The following GPC5 variants were observed in gnomAD, a reference collection of about 807,000 sequenced individuals.
GPC5 encodes the protein glypican 5, also known as glypican-5.
A neutral mutation model predicts 53.9 loss-of-function variants in GPC5; 47 were observed. The observed-to-expected ratio is 0.87, with a 90% CI of 0.69 to 1.11. The LOEUF (loss-of-function observed/expected upper bound fraction) is 1.11, where lower values mean the gene tolerates loss of function less well. Among genes scored for constraint, GPC5 ranks in the 50% most tolerant of loss-of-function variants. The pLI is 0.00. For missense variants in GPC5, 748 were observed against 713.1 expected (o/e 1.05, Z -0.56); for synonymous variants, 286 against 263.3 (o/e 1.09, Z -0.84).
At chr13:92,325,761 T>G (rs1307614725) in intron 7 of GPC5, among the ~76,000 whole-genome samples, 1 of 152,078 alleles carries the variant, frequency 6.6e-6, no homozygotes, top group South Asian at 2.1e-4. Flanking sequence ...AAAATCTTTA[T>G]GATTTCATTT....
At position 91,913,483 on chromosome 13, in the gene GPC5, A is replaced by G. The variant is rs375461168; in HGVS notation, c.1401+5426A>G. Among the ~76,000 whole-genome samples, 120 of 152,056 alleles carry G rather than the reference A, an allele frequency of 7.9e-4. 5 individuals carry two copies. The South Asian group carries it at 0.025, about 31-fold the overall frequency. On this transcript the variant is annotated intron_variant, in intron 6 of 7. Transcript: ENST00000377067. ...TACACAATCTTAATTTTATTTCATC[A>G]TTTAGGACAAGCCCTATATTTATAT...
chr13:92,447,470 A>G (rs1043253648), intron 7 of GPC5: 1 of 152,126 alleles, frequency 6.6e-6, no homozygotes, highest in African/African-American at 2.4e-5. Context: ...CAATAAGAAT[A>G]GAAGCTTTTT....
intron 2 of GPC5, among the ~76,000 whole-genome samples, chr13:91,567,994 TG>T (rs2031612558): frequency 6.6e-6 from 1 of 152,164 alleles, no homozygotes. Context: ...CGAGATCTGA[TG>T]GTTTTATAAG....
Position 92,221,940 on chromosome 13 carries a change from G to A in GPC5, c.1561+76951G>A, listed in dbSNP as rs117139213. ...GACTTTCTACTGTTAGTATTATACAGTTATAATCTAACTTTAACAGCAGTT... is the reference window on the plus strand; with the variant it reads ...GACTTTCTACTGTTAGTATTATACAATTATAATCTAACTTTAACAGCAGTT... On this transcript the variant is annotated intron_variant, in intron 7 of 7. Transcript: ENST00000377067. Among the ~76,000 whole-genome samples the A allele has an allele frequency of 5.5e-3, 840 of 152,230 alleles. 2 individuals are homozygous for A. Among genetic ancestry groups the A allele is most frequent in the Non-Finnish European group, 9.1e-3 (619 of 68,022 alleles).
At chr13:92,238,345 C>T (rs148558428) in intron 7 of GPC5, among the ~76,000 whole-genome samples, 2 of 152,034 alleles carry the variant, frequency 1.3e-5, no homozygotes, top group African/African-American at 2.4e-5. Context: ...TTATTCACAT[C>T]CTCACCAATA....
intron 2 of GPC5, among the ~76,000 whole-genome samples, chr13:91,532,901 A>G (rs932281913): frequency 6.6e-6 from 1 of 152,122 alleles, no homozygotes; most frequent in Admixed American, 6.6e-5. Context: ...ATATAAAGTA[A>G]AAGATCTTGA....
chr13:91,411,930 T>C (rs1877822737), intron 1 of GPC5, among the ~76,000 whole-genome samples: 1 of 152,212 alleles, frequency 6.6e-6, no homozygotes, highest in African/African-American at 2.4e-5. Context: ...TATAAAAGTT[T>C]TTAGAAGTTC....
chr13:92,733,894 G>T (rs1416124536), intron 7 of GPC5, among the ~76,000 whole-genome samples: 1 of 151,652 alleles, frequency 6.6e-6, no homozygotes, highest in East Asian at 1.9e-4. Context: ...ACTTTGCTAT[G>T]AGAATTGAAA....
In GPC5 at chr13:92,708,671, G is replaced by A. The variant is rs138599092; in HGVS notation, c.1562-157611G>A. ...GTTAGAAAAAGTTGTGGAGCAATAC[G>A]TAAGGTTGGGGAGAAGAGATGTTAT... is the stretch of plus-strand genomic sequence containing the variant. On this transcript the variant is annotated intron_variant, in intron 7 of 7. Coordinates refer to ENST00000377067, the MANE Select transcript of GPC5 (RefSeq NM_004466.6). Among the ~76,000 whole-genome samples the A allele has an allele frequency of 1.5e-3, 220 of 151,278 alleles. 1 individual carries two copies. The highest frequency in any genetic ancestry group is 4.9e-3 in the African/African-American group (201 of 40,742).
intron 6 of GPC5, among the ~76,000 whole-genome samples, chr13:91,940,224 T>G (rs2039912558): frequency 6.6e-6 from 1 of 152,180 alleles, no homozygotes; most frequent in Admixed American, 6.6e-5. Flanking sequence ...AGCTCCCACT[T>G]ACAAGTGAGA....
chr13:91,523,124 C>T (rs1316634063), intron 2 of GPC5, among the ~76,000 whole-genome samples: 2 of 152,130 alleles, frequency 1.3e-5, no homozygotes, highest in Non-Finnish European at 1.5e-5. Flanking sequence ...GAAATGGAAT[C>T]CCTTGCACAC....
At chr13:92,392,598 T>C (rs567812525) in intron 7 of GPC5, among the ~76,000 whole-genome samples, 1 of 152,238 alleles carries the variant, frequency 6.6e-6, no homozygotes, top group East Asian at 1.9e-4. Context: ...GAAGAAACTA[T>C]GAACAGAGTA....
intron 7 of GPC5, among the ~76,000 whole-genome samples, chr13:92,515,794 A>T (rs1880753539): frequency 6.6e-6 from 1 of 152,186 alleles, no homozygotes; most frequent in South Asian, 2.1e-4. Context: ...ATCATAATTC[A>T]CAACACTACC....
intron 7 of GPC5, among the ~76,000 whole-genome samples, chr13:92,526,127 T>C (rs1175492899): frequency 2.0e-5 from 3 of 152,160 alleles, no homozygotes; most frequent in African/African-American, 7.2e-5. Context: ...GTTCTTTTAT[T>C]CAACAAACTT....
intron 2 of GPC5, among the ~76,000 whole-genome samples, chr13:91,574,409 C>T (rs956893246): frequency 6.6e-6 from 1 of 152,098 alleles, no homozygotes; most frequent in African/African-American, 2.4e-5. Flanking sequence ...GTACAAGTAT[C>T]AGAATCAGAT....
intron 7 of GPC5, among the ~76,000 whole-genome samples, chr13:92,167,198 A>C (rs1246918229): frequency 1.3e-5 from 2 of 152,206 alleles, no homozygotes; most frequent in East Asian, 3.8e-4. Context: ...TTGTAGAAGC[A>C]GCACTGAGGA....
chr13:92,070,533 T>A (rs1158597920), intron 6 of GPC5, among the ~76,000 whole-genome samples: 1 of 152,212 alleles, frequency 6.6e-6, no homozygotes, highest in Non-Finnish European at 1.5e-5. Context: ...AAAATTAGAT[T>A]TCTAGATACT....
Position 92,038,394 on chromosome 13 carries a change from A to AGATAGATC in GPC5, c.1402-106433_1402-106432insAGATCGAT, listed in dbSNP as rs1231436126. 3.1e-4 allele frequency among the ~76,000 whole-genome samples: 46 copies of AGATAGATC among 149,370 alleles called. 2 individuals are homozygous for AGATAGATC. Among genetic ancestry groups the AGATAGATC allele is most frequent in the Non-Finnish European group, 5.5e-4 (37 of 67,466 alleles). The stretch of plus-strand genomic sequence containing the variant: ...TAGATAGATAGATAGGTAGATAGAT[A>AGATAGATC]GATCGATCCCTGTTTGGGTGGGGCA... On this transcript the variant is annotated intron_variant, in intron 6 of 7. Transcript: ENST00000377067.
chr13:92,743,462 C>T (rs940168416), intron 7 of GPC5, among the ~76,000 whole-genome samples: 1 of 151,954 alleles, frequency 6.6e-6, no homozygotes, highest in African/African-American at 2.4e-5. Context: ...CTGAAGTTGC[C>T]TAGCAGCTTA....
Sources: gnomAD v4.1 joint callset for allele counts (sites outside exome capture counted in the v4.1 genomes callset) on GRCh38, gnomAD v4.1.1 for gene constraint, MANE v1.5 for transcripts, NCBI Gene and HGNC (gene_info 2026-07-23, HGNC 2026-07-21) for gene names.